HSD17B13: variants seen among roughly 807,000 people sequenced by gnomAD.
The protein encoded by HSD17B13 is 17-beta-hydroxysteroid dehydrogenase 13.
A neutral mutation model predicts 31.1 loss-of-function variants in HSD17B13; 26 were observed. That is an observed-to-expected ratio of 0.84 (90% confidence interval 0.61 to 1.16). HSD17B13 has a LOEUF of 1.16. Ranked by LOEUF, HSD17B13 falls within the 50% of genes most tolerant of loss-of-function variation. HSD17B13 has a pLI of 0.00. For missense variants in HSD17B13, 374 were observed against 366.5 expected (o/e 1.02, Z -0.17); for synonymous variants, 141 against 133.7 (o/e 1.05, Z -0.38).
rs1382719071 is a variant in HSD17B13 at position 87,303,833 on chromosome 4, TA to T, written c.*1384del. ...GTTTTATTTTATAACTACAAGAGGT[TA>T]TTTTTTTAAAGCACAATGACATATT... is the stretch of plus-strand genomic sequence containing the variant. On this transcript the variant is annotated 3_prime_UTR_variant, in exon 7 of 7. Transcript: ENST00000328546. The T allele has an allele frequency of 1.3e-5, 2 of 151,616 alleles. No individual in the cohort carries two copies. Among genetic ancestry groups the T allele is most frequent in the African/African-American group, 2.4e-5 (1 of 41,128 alleles). The allele number at this position is 151,616 out of a possible 1,614,324, so 9.4% of individuals were successfully genotyped here. A position where few individuals can be genotyped will look rare whatever the true frequency, so the allele number is the denominator to read the frequency against.
chr4:87,314,304 T>C (rs746764275), intron 4 of HSD17B13, among the ~76,000 whole-genome samples: 5 of 152,036 alleles, frequency 3.3e-5, no homozygotes, highest in Admixed American at 1.3e-4. Context: ...TTTTGAAAAA[T>C]ATGAATCAGG....
intron 1 of HSD17B13, among the ~76,000 whole-genome samples, chr4:87,322,035 A>C (rs1288167950): frequency 6.6e-6 from 1 of 152,242 alleles, no homozygotes; most frequent in Non-Finnish European, 1.5e-5. Context: ...ACTAATGTCC[A>C]AGGAAAAGCC....
In HSD17B13 at chr4:87,304,343, A is replaced by C. The variant is rs566697587; in HGVS notation, c.*875T>G. 2 of 155,690 alleles carry C rather than the reference A, an allele frequency of 1.3e-5. No homozygotes were observed. The highest frequency in any genetic ancestry group is 2.0e-4 in the South Asian group (1 of 4,890). The allele number at this position is 155,690 out of a possible 1,614,324, so 9.6% of individuals were successfully genotyped here. ...AAAAACAAAACAAAACAAAACAAAA[A>C]CCAAAAAACCTTTCTTTCTTCCTTT... On this transcript the variant is annotated 3_prime_UTR_variant, in exon 7 of 7. Transcript: ENST00000328546.
chr4:87,318,919 G>A (rs1734720421), intron 1 of HSD17B13, among the ~76,000 whole-genome samples: 1 of 151,472 alleles, frequency 6.6e-6, no homozygotes, highest in Non-Finnish European at 1.5e-5. Flanking sequence ...GGTGGCTCAC[G>A]CCTGTAATCC....
intron 5 of HSD17B13, among the ~76,000 whole-genome samples, chr4:87,312,790 T>C (rs1269166879): frequency 1.3e-5 from 2 of 151,904 alleles, no homozygotes; most frequent in African/African-American, 4.8e-5. Flanking sequence ...CCGGGCATGG[T>C]GGCTCACTCC....
At chr4:87,311,384 C>T (rs1200585637) in intron 5 of HSD17B13, among the ~76,000 whole-genome samples, 1 of 152,134 alleles carries the variant, frequency 6.6e-6, no homozygotes, top group Non-Finnish European at 1.5e-5. Flanking sequence ...TTATTTCTTG[C>T]GAGAAATCTA....
intron 1 of HSD17B13, among the ~76,000 whole-genome samples, chr4:87,319,561 T>C (rs764395532): frequency 1.4e-4 from 21 of 152,242 alleles, no homozygotes; most frequent in Non-Finnish European, 2.9e-4. Context: ...CTAGTGGTAA[T>C]GGTAAACTGT....
At position 87,317,104 on chromosome 4, in the gene HSD17B13, T is replaced by C. The variant is rs142525792; in HGVS notation, c.438A>G (p.Leu146=). ...EITKTFEVNI[L]GHFWITKALL... ...GACTCACACTCACCCAAAAATGTCCTAGGATGTTGACCTCAAATGTCTTGG... is the reference window on the plus strand; with the variant it reads ...GACTCACACTCACCCAAAAATGTCCCAGGATGTTGACCTCAAATGTCTTGG... The change falls in exon 3 of 7, where the codon CTA becomes CTG. Residue 146 remains leucine, a synonymous_variant. Transcript: ENST00000328546. 1.0e-3 allele frequency: 1,681 copies of C among 1,614,014 alleles called. 5 individuals carry two copies. The highest frequency in any genetic ancestry group is 2.6e-3 in the South Asian group (236 of 91,054).
rs752295562 is a variant in HSD17B13 at position 87,322,726 on chromosome 4, ACAAT to A, written c.112_115del (p.Ile38PhefsTer10). The A allele has an allele frequency of 1.7e-5, 28 of 1,614,186 alleles. No individual in the cohort carries two copies. Among genetic ancestry groups the A allele is most frequent in the Non-Finnish European group, 2.4e-5 (28 of 1,180,016 alleles). ...TCCATGCCCAGCTCCAGTAATGAGA[ACAAT>A]CTCCCCAGCCACAGATTTTCTCCTC... On this transcript the variant is annotated frameshift_variant, in exon 1 of 7. Coordinates refer to ENST00000328546, the MANE Select transcript of HSD17B13 (RefSeq NM_178135.5). LOFTEE classifies it high-confidence loss of function.
At position 87,319,717 on chromosome 4, in the gene HSD17B13, T is replaced by C. The variant is rs567329796; in HGVS notation, c.211-1281A>G. Among the ~76,000 whole-genome samples, 7 of 152,322 alleles carry C rather than the reference T, an allele frequency of 4.6e-5. No individual in the cohort carries two copies. The South Asian group carries it at 1.0e-3, about 23-fold the overall frequency. ...ATATAACATTACATTCTTCAGGTGT[T>C]TGGGAGTGAGATGGGCAAGGCCACT... is the stretch of plus-strand genomic sequence containing the variant. On this transcript the variant is annotated intron_variant, in intron 1 of 6. Coordinates refer to ENST00000328546, the MANE Select transcript of HSD17B13 (RefSeq NM_178135.5).
chr4:87,309,384 C>CAAAAA (rs369280214), intron 6 of HSD17B13, among the ~76,000 whole-genome samples: 3 of 50,108 alleles, frequency 6.0e-5, no homozygotes, highest in Non-Finnish European at 7.9e-5. Flanking sequence ...AACTCTGTCT[C>CAAAAA]AAAAAAAAAA....
chr4:87,322,254 G>C (rs144423140), intron 1 of HSD17B13, among the ~76,000 whole-genome samples: 1 of 152,316 alleles, frequency 6.6e-6, no homozygotes, highest in African/African-American at 2.4e-5. Flanking sequence ...TCTGTTGCAA[G>C]TTCTTCGTTT....
chr4:87,315,567 C>T lies in HSD17B13; in HGVS notation c.483G>A (p.Glu161=), dbSNP rs748548502. The T allele has an allele frequency of 1.9e-6, 3 of 1,610,276 alleles. No homozygotes were observed. The highest frequency in any genetic ancestry group is 2.2e-5 in the East Asian group (1 of 44,786). ...CTGTGACGATGTGGCCATGATTTCT[C>T]TCCATCATCGATGGAAGAAGTGCTT... ...ITKALLPSMM[E]RNHGHIVTVA... Residue 161 remains glutamate, a synonymous_variant, in exon 4 of 7, where the codon GAG becomes GAA. Transcript: ENST00000328546.
chr4:87,310,317 C>T lies in HSD17B13; in HGVS notation c.738G>A (p.Leu246=), dbSNP rs899823972. 30 of 1,574,134 alleles carry T rather than the reference C, an allele frequency of 1.9e-5. No individual in the cohort carries two copies. Among genetic ancestry groups the T allele is most frequent in the Non-Finnish European group, 2.4e-5 (28 of 1,165,194 alleles). Residue 246 remains leucine (L), a synonymous_variant, in exon 6 of 7, where the codon CTG becomes CTA. Coordinates refer to ENST00000328546, the MANE Select transcript of HSD17B13 (RefSeq NM_178135.5). The part of the protein sequence containing the change: ...VLETDEVVRS[L]IDGILTNKKM... ...TCTTATTGGTAAGTATTCCATCTATCAGACTTCTTACGACTTCATCTGTCT... is the reference window on the plus strand; with the variant it reads ...TCTTATTGGTAAGTATTCCATCTATTAGACTTCTTACGACTTCATCTGTCT...
At chr4:87,318,180 G>T (rs79743150) in intron 2 of HSD17B13, 149 bp downstream of exon 2, 1 of 614,484 alleles carries the variant, frequency 1.6e-6, no homozygotes, top group Non-Finnish European at 2.9e-6. Context: ...AAGAAAAAAA[G>T]TATATATCCT....
chr4:87,308,198 C>T (rs984751004), intron 6 of HSD17B13, among the ~76,000 whole-genome samples: 2 of 152,078 alleles, frequency 1.3e-5, no homozygotes, highest in Non-Finnish European at 2.9e-5. Flanking sequence ...CTTATGTCAT[C>T]CTTATAAAGA....
chr4:87,317,541 T>A (rs73839189), intron 2 of HSD17B13, among the ~76,000 whole-genome samples: 8,368 of 150,510 alleles, frequency 0.056, 792 homozygotes, highest in African/African-American at 0.2. Context: ...GTTCATTTTT[T>A]AAAAATGTGT....
intron 3 of HSD17B13, 76 bp downstream of exon 3, chr4:87,317,016 A>T: frequency 6.9e-7 from 1 of 1,450,138 alleles, no homozygotes. Flanking sequence ...GTCCAGAAGT[A>T]TGTGAACTCC....
In HSD17B13 at chr4:87,305,266, C is replaced by T; in HGVS notation, c.855G>A (p.Gln285=). 6.2e-7 allele frequency: 1 copy of T among 1,608,716 alleles called. No homozygotes were observed. The highest frequency in any genetic ancestry group is 1.1e-5 in the South Asian group (1 of 89,946). ...CAACCACTGCTTCAAATTGAATATT[C>T]TGCATACGATTTAAAATCGCTGAGG... ...ERASAILNRM[Q]NIQFEAVVGH... Residue 285 remains glutamine (Q), a synonymous_variant, in exon 7 of 7, where the codon CAG becomes CAA. Coordinates refer to ENST00000328546, the MANE Select transcript of HSD17B13 (RefSeq NM_178135.5).
Sources: allele counts gnomAD v4.1 joint callset (sites outside exome capture counted in the v4.1 genomes callset), GRCh38; gene constraint gnomAD v4.1.1; transcripts MANE v1.5; gene names NCBI Gene and HGNC (gene_info 2026-07-23, HGNC 2026-07-21).